TDRD7: variants seen among roughly 807,000 people sequenced by gnomAD.
The protein encoded by TDRD7 is tudor domain-containing protein 7.
In TDRD7, 47 loss-of-function variants were observed where a neutral mutation model predicts 109.8. The observed-to-expected ratio is 0.43, with a 90% CI of 0.34 to 0.55. The LOEUF (loss-of-function observed/expected upper bound fraction) is 0.55. Ranked by LOEUF, TDRD7 falls within the 20% of genes least tolerant of loss-of-function variation. TDRD7 has a pLI of 0.03. For synonymous variants in TDRD7, 424 were observed against 457.3 expected (o/e 0.93, Z 0.93); for missense variants, 1,164 against 1,319.2 (o/e 0.88, Z 1.82).
chr9:97,420,461 C>G (rs1264418037), intron 1 of TDRD7, among the ~76,000 whole-genome samples: 2 of 152,146 alleles, frequency 1.3e-5, no homozygotes, highest in Non-Finnish European at 2.9e-5. Context: ...TTACCCCCAG[C>G]CCTTGGCAAC....
At chr9:97,434,702 T>G (rs143047695) in intron 4 of TDRD7, among the ~76,000 whole-genome samples, 9 of 152,288 alleles carry the variant, frequency 5.9e-5, no homozygotes, top group Admixed American at 2.0e-4. Context: ...AAACTTATGT[T>G]AACACAAAAA....
rs545207997 is a variant in TDRD7 at position 97,413,760 on chromosome 9, G to A, written c.-7+1522G>A. Among the ~76,000 whole-genome samples the A allele has an allele frequency of 8.3e-4, 126 of 152,296 alleles. No individual in the cohort carries two copies. In the Middle Eastern group the frequency reaches 0.017, roughly 21 times the overall value. On this transcript the variant is annotated intron_variant, in intron 1 of 16. Transcript: ENST00000355295. ...TTGGTGGCACACAGCCTCCGTCTTT[G>A]GTAGTTGCACGGTGAGACTGTGAGG...
rs747436777 is a variant in TDRD7 at position 97,480,916 on chromosome 9, A to G, written c.2390A>G (p.Asn797Ser). Residue 797 changes from asparagine to serine, a missense_variant, in exon 14 of 17, where the codon AAT becomes AGT. Asn to Ser is a conservative substitution (Grantham distance 46, BLOSUM62 1). Coordinates refer to ENST00000355295, the MANE Select transcript of TDRD7 (RefSeq NM_014290.3). ...CTGTGGTTAAGAGATTCTGTTTTGA[A>G]TTGCTCGGACTGTAGCATTAAGGTT... is the stretch of plus-strand genomic sequence containing the variant. ...AVLWLRDSVLNCSDCSIKVTK... is the reference protein window; with the variant it reads ...AVLWLRDSVLSCSDCSIKVTK... The G allele has an allele frequency of 8.3e-5, 134 of 1,613,926 alleles. No homozygotes were observed. Among genetic ancestry groups the G allele is most frequent in the Non-Finnish European group, 1.1e-4 (127 of 1,179,930 alleles).
At chr9:97,482,153 C>G (rs1829126830) in intron 14 of TDRD7, among the ~76,000 whole-genome samples, 1 of 152,086 alleles carries the variant, frequency 6.6e-6, no homozygotes, top group African/African-American at 2.4e-5. Context: ...CCCCTCTGGC[C>G]GAAAGAGCAA....
intron 12 of TDRD7, among the ~76,000 whole-genome samples, chr9:97,475,746 T>C (rs1223973784): frequency 6.6e-6 from 1 of 152,206 alleles, no homozygotes; most frequent in African/African-American, 2.4e-5. Context: ...TACACACTTT[T>C]ACTATATATT....
Position 97,495,530 on chromosome 9 carries a change from T to G in TDRD7, c.3077-133T>G. On this transcript the variant is annotated intron_variant, in intron 16 of 16. Transcript: ENST00000355295. ...TTTTAAGATTGTTCAGTAACCGTTT[T>G]TCAGTTCAGGCAAGTCTAACCTGGG... The G allele has an allele frequency of 7.1e-6, 6 of 847,248 alleles. No individual in the cohort carries two copies. The South Asian group carries it at 8.2e-5, about 12-fold the overall frequency. 52.5% of individuals were successfully genotyped at this position (847,248 alleles called of 1,614,324 possible).
chr9:97,413,804 T>C (rs1806944914), intron 1 of TDRD7, among the ~76,000 whole-genome samples: 1 of 152,212 alleles, frequency 6.6e-6, no homozygotes, highest in Admixed American at 6.5e-5. Context: ...GGCAGTGCCT[T>C]CAGATTTCAG....
chr9:97,460,168 A>G lies in TDRD7; in HGVS notation c.856-10A>G. 4.3e-6 allele frequency: 7 copies of G among 1,613,184 alleles called. No homozygotes were observed. Among genetic ancestry groups the G allele is most frequent in the Non-Finnish European group, 5.9e-6 (7 of 1,179,138 alleles). On this transcript the variant is annotated splice_polypyrimidine_tract_variant and intron_variant, in intron 6 of 16. Transcript: ENST00000355295. Reference sequence around the variant, plus strand: ...AAATATCTGTCATTTGCTTTATTTAAAAATTTCAGGTGGAGAAACCTTGCA... The same window carrying G: ...AAATATCTGTCATTTGCTTTATTTAGAAATTTCAGGTGGAGAAACCTTGCA...
rs753467703 is a variant in TDRD7 at position 97,464,891 on chromosome 9, A to G, written c.1492A>G (p.Met498Val). 2 of 1,614,216 alleles carry G rather than the reference A, an allele frequency of 1.2e-6. No homozygotes were observed. Among genetic ancestry groups the G allele is most frequent in the Non-Finnish European group, 1.7e-6 (2 of 1,180,016 alleles). ...SAAQELMEDE[M>V]KEYYSKNPKI... is the part of the protein sequence containing the mutation. ...TGCTCAGGAATTAATGGAAGATGAGATGAAGGAATATTACAGTAAGAATCC... is the reference window on the plus strand; with the variant it reads ...TGCTCAGGAATTAATGGAAGATGAGGTGAAGGAATATTACAGTAAGAATCC... Residue 498 changes from methionine to valine, a missense_variant, in exon 8 of 17, where the codon ATG becomes GTG. Physicochemically the swap from Met to Val is conservative, Grantham distance 21. Coordinates refer to ENST00000355295, the MANE Select transcript of TDRD7 (RefSeq NM_014290.3).
At chr9:97,441,582 A>T in intron 5 of TDRD7, 76 bp from the exon 6 acceptor site, 1 of 1,322,350 alleles carries the variant, frequency 7.6e-7, no homozygotes, top group East Asian at 2.5e-5. Flanking sequence ...AAACCTGAAG[A>T]TGCAAATATT....
At chr9:97,439,359 G>A (rs769729861) in intron 5 of TDRD7, 41 bp downstream of exon 5, 8 of 1,535,438 alleles carry the variant, frequency 5.2e-6, no homozygotes, top group African/African-American at 1.4e-5. Context: ...ATTGGCTTCC[G>A]GAGTCAAGAA....
At chr9:97,449,249 C>T (rs571083619) in intron 6 of TDRD7, among the ~76,000 whole-genome samples, 3 of 152,278 alleles carry the variant, frequency 2.0e-5, no homozygotes, top group African/African-American at 7.2e-5. Context: ...TCCCCAGAAA[C>T]CAAGCAGCGG....
At chr9:97,485,305 T>A (rs1283627129) in intron 15 of TDRD7, among the ~76,000 whole-genome samples, 1 of 152,222 alleles carries the variant, frequency 6.6e-6, no homozygotes, top group Non-Finnish European at 1.5e-5. Context: ...AGCTCCAGAA[T>A]CTGTTGTTAA....
At chr9:97,476,486 C>T (rs747658142) in intron 12 of TDRD7, among the ~76,000 whole-genome samples, 5 of 146,834 alleles carry the variant, frequency 3.4e-5, no homozygotes, top group African/African-American at 5.1e-5. Context: ...GAGGCCAAGG[C>T]GGGAGGATCA....
At chr9:97,481,001 T>A in intron 14 of TDRD7, 63 bp downstream of exon 14, 1 of 1,443,680 alleles carries the variant, frequency 6.9e-7, no homozygotes, top group Admixed American at 1.7e-5. Context: ...AGGGCTCATT[T>A]AGTTTTTGTG....
chr9:97,440,208 T>A (rs756206502), intron 5 of TDRD7, among the ~76,000 whole-genome samples: 1 of 152,220 alleles, frequency 6.6e-6, no homozygotes, highest in Admixed American at 6.5e-5. Flanking sequence ...ATAAACTACT[T>A]CTACAGAAAC....
At chr9:97,423,398 CT>C (rs74312835) in intron 1 of TDRD7, among the ~76,000 whole-genome samples, 10,945 of 142,166 alleles carry the variant, frequency 0.077, 626 homozygotes, top group African/African-American at 0.17. Context: ...TTTGTGCCTT[CT>C]TTTTTTTTTT....
intron 6 of TDRD7, 108 bp downstream of exon 6, chr9:97,441,983 CAT>C (rs1828315045): frequency 2.3e-6 from 2 of 866,874 alleles, no homozygotes; most frequent in Non-Finnish European, 2.0e-6. Context: ...AAGCACTTTA[CAT>C]ATGTTACCTC....
intron 1 of TDRD7, among the ~76,000 whole-genome samples, chr9:97,417,113 C>G (rs1261526809): frequency 6.6e-6 from 1 of 151,912 alleles, no homozygotes; most frequent in African/African-American, 2.4e-5. Context: ...CCCCTGGAGT[C>G]AATATGTCCC....
Sources: allele counts gnomAD v4.1 joint callset (sites outside exome capture counted in the v4.1 genomes callset), GRCh38; gene constraint gnomAD v4.1.1; transcripts MANE v1.5; gene names NCBI Gene and HGNC (gene_info 2026-07-23, HGNC 2026-07-21).